The following GPM6A variants were observed in gnomAD, a reference collection of about 807,000 sequenced individuals.
GPM6A encodes the protein neuronal membrane glycoprotein M6-a.
GPM6A carries 7 observed loss-of-function variants against 32.1 expected under a neutral mutation model. The observed-to-expected ratio is 0.22, with a 90% CI of 0.12 to 0.41. The LOEUF (loss-of-function observed/expected upper bound fraction) is 0.41, where lower values mean the gene tolerates loss of function less well. GPM6A is among the 10% of genes least tolerant of loss of function. The pLI is 1.00. For synonymous variants in GPM6A, 130 were observed against 123.4 expected (o/e 1.05, Z -0.35); for missense variants, 235 against 347.2 (o/e 0.68, Z 2.57).
At chr4:175,736,932 T>C (rs1731685400) in intron 1 of GPM6A, among the ~76,000 whole-genome samples, 1 of 152,200 alleles carries the variant, frequency 6.6e-6, no homozygotes, top group Non-Finnish European at 1.5e-5. Flanking sequence ...GTGATGCTGG[T>C]GTAAACAAGC....
At chr4:175,937,187 CT>C (rs1739268319) in intron 1 of GPM6A, among the ~76,000 whole-genome samples, 1 of 151,832 alleles carries the variant, frequency 6.6e-6, no homozygotes, top group Admixed American at 6.6e-5. Context: ...AGAAATTTCA[CT>C]TTTAGAAGTC....
chr4:175,805,162 G>C (rs1028103045), intron 1 of GPM6A, among the ~76,000 whole-genome samples: 3 of 151,670 alleles, frequency 2.0e-5, no homozygotes, highest in African/African-American at 7.3e-5. Flanking sequence ...TCAAGTTTTG[G>C]GGGGAAGGTA....
chr4:175,647,760 T>C (rs923213441), intron 4 of GPM6A, among the ~76,000 whole-genome samples: 4 of 152,214 alleles, frequency 2.6e-5, no homozygotes, highest in Admixed American at 1.3e-4. Flanking sequence ...AATTCTGAAT[T>C]GATCCTAATA....
intron 1 of GPM6A, among the ~76,000 whole-genome samples, chr4:175,938,737 C>CAAAA (rs3034711): frequency 3.0e-5 from 4 of 134,138 alleles, no homozygotes; most frequent in Non-Finnish European, 3.1e-5. Context: ...AAAGTAAAAC[C>CAAAA]AAAAAAAAAA....
At chr4:175,868,670 G>T (rs1405544687) in intron 1 of GPM6A, among the ~76,000 whole-genome samples, 3 of 152,072 alleles carry the variant, frequency 2.0e-5, no homozygotes, top group African/African-American at 7.2e-5. Flanking sequence ...TTTGTTTCAT[G>T]CAGGAACATG....
chr4:175,936,501 C>A (rs112153597), intron 1 of GPM6A, among the ~76,000 whole-genome samples: 17 of 151,982 alleles, frequency 1.1e-4, no homozygotes, highest in African/African-American at 4.1e-4. Flanking sequence ...GATTGCTCTA[C>A]ATTGCATCTG....
intron 6 of GPM6A, among the ~76,000 whole-genome samples, chr4:175,636,829 T>A (rs1488086891): frequency 6.9e-6 from 1 of 144,894 alleles, no homozygotes; most frequent in Non-Finnish European, 1.5e-5. Flanking sequence ...ATAATATATA[T>A]TATATATAAA....
At chr4:175,846,486 CT>C (rs199719961) in intron 1 of GPM6A, among the ~76,000 whole-genome samples, 1,917 of 152,170 alleles carry the variant, frequency 0.013, 16 homozygotes, top group Non-Finnish European at 0.018. Flanking sequence ...CCAATATTCC[CT>C]TTGCCCAGGT....
chr4:175,980,466 T>C (rs1357626132), intron 1 of GPM6A, among the ~76,000 whole-genome samples: 1 of 152,212 alleles, frequency 6.6e-6, no homozygotes, highest in Non-Finnish European at 1.5e-5. Flanking sequence ...GAAGTATGAC[T>C]ATTTAGCTTG....
intron 1 of GPM6A, among the ~76,000 whole-genome samples, chr4:175,756,467 T>C (rs1732528972): frequency 6.6e-6 from 1 of 152,128 alleles, no homozygotes; most frequent in Non-Finnish European, 1.5e-5. Context: ...GCTGGTTTCA[T>C]GTTGTGTGTG....
chr4:175,954,630 A>G (rs1034527005), intron 1 of GPM6A, among the ~76,000 whole-genome samples: 1 of 152,192 alleles, frequency 6.6e-6, no homozygotes, highest in Non-Finnish European at 1.5e-5. Flanking sequence ...GATGAGTTAG[A>G]CCATCTCTGG....
chr4:175,917,264 GT>G (rs201151207), intron 1 of GPM6A, among the ~76,000 whole-genome samples: 2 of 150,820 alleles, frequency 1.3e-5, no homozygotes, highest in African/African-American at 4.9e-5. Context: ...GTTTTGTTTT[GT>G]TTTTTTTTAA....
intron 1 of GPM6A, among the ~76,000 whole-genome samples, chr4:175,978,400 C>A (rs7667844): frequency 0.035 from 5,401 of 152,148 alleles, 204 homozygotes; most frequent in African/African-American, 0.1. Context: ...GTGGGGCTTA[C>A]AAAATTTGAG....
intron 1 of GPM6A, among the ~76,000 whole-genome samples, chr4:175,832,579 G>A (rs1735648784): frequency 6.6e-6 from 1 of 152,156 alleles, no homozygotes; most frequent in East Asian, 1.9e-4. Flanking sequence ...AGGAATTAGT[G>A]ATAGCTGGAC....
intron 1 of GPM6A, among the ~76,000 whole-genome samples, chr4:175,826,352 T>C (rs1474095729): frequency 6.6e-6 from 1 of 151,768 alleles, no homozygotes; most frequent in African/African-American, 2.4e-5. Flanking sequence ...TGTGTGTGTG[T>C]ATCGTGAATT....
At chr4:175,839,981 T>C (rs1308787627) in intron 1 of GPM6A, among the ~76,000 whole-genome samples, 1 of 152,212 alleles carries the variant, frequency 6.6e-6, no homozygotes, top group Admixed American at 6.5e-5. Flanking sequence ...GTAACTTACG[T>C]CTAAAGTAGA....
chr4:176,002,256 A>G, intron 1 of GPM6A: 2 of 1,572,886 alleles, frequency 1.3e-6, no homozygotes, highest in Non-Finnish European at 1.7e-6. Flanking sequence ...TATAATGCCC[A>G]TTCCCGAGGC....
At chr4:175,992,057 C>T (rs780828836) in intron 1 of GPM6A, among the ~76,000 whole-genome samples, 5,322 of 66,718 alleles carry the variant, frequency 0.08, 145 homozygotes, top group Admixed American at 0.12. Flanking sequence ...CACAAACACA[C>T]ATGCACACAC....
intron 1 of GPM6A, among the ~76,000 whole-genome samples, chr4:175,891,005 C>T (rs892354233): frequency 3.9e-5 from 6 of 152,064 alleles, no homozygotes; most frequent in Non-Finnish European, 8.8e-5. Context: ...ATGCAAAAAG[C>T]AGCCCTTGAC....
Sources: gnomAD v4.1 joint callset for allele counts (sites outside exome capture counted in the v4.1 genomes callset) on GRCh38, gnomAD v4.1.1 for gene constraint, MANE v1.5 for transcripts, NCBI Gene and HGNC (gene_info 2026-07-23, HGNC 2026-07-21) for gene names.